The following AFAP1 variants were observed in gnomAD, a reference collection of about 807,000 sequenced individuals.
AFAP1 encodes the protein actin filament-associated protein 1.
Under a neutral mutation model 93.9 loss-of-function variants are expected in AFAP1, and 75 were observed. The observed-to-expected ratio is 0.80, with a 90% CI of 0.66 to 0.97. AFAP1 has a LOEUF of 0.97. Among genes scored for constraint, AFAP1 ranks in the 50% least tolerant of loss-of-function variants. The pLI, the probability that AFAP1 is intolerant of heterozygous loss-of-function variation, is 0.00. For missense variants in AFAP1, 1,201 were observed against 1,050.8 expected (o/e 1.14, Z -1.98); for synonymous variants, 517 against 430.7 (o/e 1.20, Z -2.48).
chr4:7,838,296 C>T (rs1712555234), intron 6 of AFAP1, among the ~76,000 whole-genome samples: 1 of 152,172 alleles, frequency 6.6e-6, no homozygotes, highest in African/African-American at 2.4e-5. Flanking sequence ...GTCGTCGAAG[C>T]AGCCTACAAA....
intron 8 of AFAP1, among the ~76,000 whole-genome samples, chr4:7,811,444 C>T (rs1324953995): frequency 6.6e-6 from 1 of 152,048 alleles, no homozygotes; most frequent in East Asian, 2.0e-4. Flanking sequence ...CACACTCACA[C>T]GCAGTCCCCT....
intron 8 of AFAP1, among the ~76,000 whole-genome samples, chr4:7,811,203 C>G (rs1186362997): frequency 6.6e-6 from 1 of 152,198 alleles, no homozygotes; most frequent in Admixed American, 6.5e-5. Context: ...GTGGGCAAAC[C>G]CCAGCGCCCG....
Position 7,781,535 on chromosome 4 carries a change from C to T in AFAP1, c.1623G>A (p.Pro541=), listed in dbSNP as rs771963289. The T allele has an allele frequency of 1.6e-5, 25 of 1,551,984 alleles. No homozygotes were observed. The highest frequency in any genetic ancestry group is 1.7e-4 in the Middle Eastern group (1 of 6,016). Residue 541 remains proline (P), a synonymous_variant, in exon 13 of 18, where the codon CCG becomes CCA. Transcript: ENST00000420658. ...YDNAGLYDNL[P]PPHIFARYSP... ...AGTAGCGGGCAAAGATGTGCGGAGG[C>T]GGCAAGTTATCGTACAGGCCTGCGT... is the stretch of plus-strand genomic sequence containing the variant.
chr4:7,860,779 G>A (rs996780443), intron 3 of AFAP1, among the ~76,000 whole-genome samples: 3 of 152,080 alleles, frequency 2.0e-5, no homozygotes, highest in African/African-American at 4.8e-5. Flanking sequence ...CCAACAAACC[G>A]AACAACCAAG....
chr4:7,812,221 C>T (rs2149056466), intron 8 of AFAP1, among the ~76,000 whole-genome samples: 1 of 152,216 alleles, frequency 6.6e-6, no homozygotes, highest in East Asian at 1.9e-4. Flanking sequence ...AACCTGTTGG[C>T]CAGGACAGCC....
chr4:7,906,604 T>A (rs1217588300), intron 1 of AFAP1, among the ~76,000 whole-genome samples: 1 of 152,196 alleles, frequency 6.6e-6, no homozygotes, highest in East Asian at 1.9e-4. Flanking sequence ...GACAGCCAAC[T>A]GACATAAAAT....
At chr4:7,817,832 G>C (rs919561004) in intron 7 of AFAP1, among the ~76,000 whole-genome samples, 1 of 150,050 alleles carries the variant, frequency 6.7e-6, no homozygotes, top group East Asian at 2.0e-4. Context: ...AAAAAACCTT[G>C]AACTCAGGAA....
At chr4:7,885,861 T>C (rs7437984) in intron 1 of AFAP1, among the ~76,000 whole-genome samples, 65,125 of 152,068 alleles carry the variant, frequency 0.43, 16,601 homozygotes, top group Non-Finnish European at 0.6. Context: ...CTGTTCAGGG[T>C]CCTCTCTGTG....
At chr4:7,934,727 C>T (rs1721280842) in intron 1 of AFAP1, among the ~76,000 whole-genome samples, 1 of 152,182 alleles carries the variant, frequency 6.6e-6, no homozygotes, top group African/African-American at 2.4e-5. Context: ...GATGCTGCTG[C>T]TGGATTTCAA....
intron 4 of AFAP1, among the ~76,000 whole-genome samples, chr4:7,844,302 G>A (rs1313688468): frequency 6.6e-6 from 1 of 152,038 alleles, no homozygotes; most frequent in Non-Finnish European, 1.5e-5. Context: ...GAGAGAGAGA[G>A]CTCTGTCCCC....
intron 1 of AFAP1, among the ~76,000 whole-genome samples, chr4:7,906,197 T>TA: frequency 6.6e-6 from 1 of 152,188 alleles, no homozygotes; most frequent in Non-Finnish European, 1.5e-5. Context: ...CCCGAGCCTC[T>TA]ACTCCCAGCT....
At chr4:7,798,029 TCAAAA>T (rs1182793146) in intron 10 of AFAP1, among the ~76,000 whole-genome samples, 1 of 152,164 alleles carries the variant, frequency 6.6e-6, no homozygotes, top group Non-Finnish European at 1.5e-5. Context: ...TGAAATTATC[TCAAAA>T]CAAAAGTTAA....
chr4:7,781,869 G>A (rs929202030), intron 12 of AFAP1, among the ~76,000 whole-genome samples: 1 of 152,142 alleles, frequency 6.6e-6, no homozygotes, highest in African/African-American at 2.4e-5. Context: ...GACTTCTGAA[G>A]CCTTATGGAA....
chr4:7,845,157 C>A (rs955645270), intron 4 of AFAP1, among the ~76,000 whole-genome samples: 1 of 152,188 alleles, frequency 6.6e-6, no homozygotes, highest in African/African-American at 2.4e-5. Context: ...TGTGGTGGCT[C>A]ACACCTGTAA....
chr4:7,878,036 T>C (rs1577328474), intron 1 of AFAP1, among the ~76,000 whole-genome samples: 1 of 152,122 alleles, frequency 6.6e-6, no homozygotes. Flanking sequence ...ACATGGCTGG[T>C]GGGCATGGCG....
At chr4:7,889,425 G>A (rs1292297194) in intron 1 of AFAP1, among the ~76,000 whole-genome samples, 1 of 151,312 alleles carries the variant, frequency 6.6e-6, no homozygotes, top group Non-Finnish European at 1.5e-5. Context: ...GCACGTGCCT[G>A]TAGCCCCAGC....
At chr4:7,773,429 G>C (rs1715711997) in intron 15 of AFAP1, 2 of 186,206 alleles carry the variant, frequency 1.1e-5, no homozygotes. Flanking sequence ...CAGTAGCTCA[G>C]CTTGCATCTC....
chr4:7,763,677 C>G lies in AFAP1; in HGVS notation c.*88G>C. ...CTCTGGAGTCGTGCAGCTGAGGCCACTCTGGGCAGAGCTTCCTGCCGTCAC... is the reference window on the plus strand; with the variant it reads ...CTCTGGAGTCGTGCAGCTGAGGCCAGTCTGGGCAGAGCTTCCTGCCGTCAC... On this transcript the variant is annotated 3_prime_UTR_variant, in exon 18 of 18. Transcript: ENST00000420658. 6.6e-7 allele frequency: 1 copy of G among 1,520,620 alleles called. No homozygotes were observed. Among genetic ancestry groups the G allele is most frequent in the African/African-American group, 1.4e-5 (1 of 72,466 alleles). The allele number at this position is 1,520,620 out of a possible 1,614,324, so 94.2% of individuals were successfully genotyped here.
intron 1 of AFAP1, 49 bp from the exon 2 acceptor site, chr4:7,872,129 GT>G (rs1313121017): frequency 6.2e-7 from 1 of 1,605,698 alleles, no homozygotes; most frequent in Admixed American, 1.7e-5. Context: ...ATTTGCAAAT[GT>G]CAAAGTATGA....
Sources: allele counts gnomAD v4.1 joint callset (sites outside exome capture counted in the v4.1 genomes callset), GRCh38; gene constraint gnomAD v4.1.1; transcripts MANE v1.5; gene names NCBI Gene and HGNC (gene_info 2026-07-23, HGNC 2026-07-21).